The following ARFGEF1 variants were observed in gnomAD, a reference collection of about 807,000 sequenced individuals.
The protein encoded by ARFGEF1 is ARF guanine nucleotide exchange factor 1.
Under a neutral mutation model 231.0 loss-of-function variants are expected in ARFGEF1, and 42 were observed. That is an observed-to-expected ratio of 0.18 (90% CI 0.14 to 0.24). The LOEUF (loss-of-function observed/expected upper bound fraction) is 0.24, where lower values mean the gene tolerates loss of function less well. Among genes scored for constraint, ARFGEF1 ranks in the 10% least tolerant of loss-of-function variants. The probability of loss-of-function intolerance (pLI) is 1.00; values close to 1 mark genes in which losing one functional copy is unlikely to be tolerated. For synonymous variants in ARFGEF1, 710 were observed against 732.3 expected (o/e 0.97, Z 0.49); for missense variants, 1,345 against 2,192.0 (o/e 0.61, Z 7.72).
At chr8:67,315,384 C>T (rs1241229104) in intron 1 of ARFGEF1, among the ~76,000 whole-genome samples, 1 of 152,130 alleles carries the variant, frequency 6.6e-6, no homozygotes, top group Non-Finnish European at 1.5e-5. Context: ...CAGAACTGAA[C>T]ACCACCATCA....
intron 5 of ARFGEF1, chr8:67,179,851 T>G: frequency 6.4e-7 from 1 of 1,569,160 alleles, no homozygotes; most frequent in Non-Finnish European, 8.7e-7. Flanking sequence ...CATTGAAACA[T>G]GTTTCTTTTA....
intron 1 of ARFGEF1, among the ~76,000 whole-genome samples, chr8:67,326,357 A>G (rs748129983): frequency 1.3e-5 from 2 of 152,242 alleles, no homozygotes; most frequent in Non-Finnish European, 2.9e-5. Flanking sequence ...AAACCGAAGT[A>G]TCTGCAAGAG....
chr8:67,225,462 T>C (rs1337262502), intron 28 of ARFGEF1, among the ~76,000 whole-genome samples: 2 of 152,210 alleles, frequency 1.3e-5, no homozygotes, highest in African/African-American at 4.8e-5. Flanking sequence ...TAAAATCTTA[T>C]TACCAAATCT....
intron 2 of ARFGEF1, among the ~76,000 whole-genome samples, chr8:67,302,054 A>T (rs1806515815): frequency 3.3e-5 from 5 of 151,946 alleles, no homozygotes; most frequent in Non-Finnish European, 7.4e-5. Context: ...AAAAAATTAG[A>T]CAGGCATGGT....
chr8:67,238,993 T>TG, intron 20 of ARFGEF1, 100 bp from the exon 21 acceptor site: 1 of 839,844 alleles, frequency 1.2e-6, no homozygotes, highest in East Asian at 3.2e-5. Context: ...AAGATTTTGT[T>TG]TTTTTTTTTT....
chr8:67,321,300 A>G (rs1445226911), intron 1 of ARFGEF1, among the ~76,000 whole-genome samples: 1 of 152,220 alleles, frequency 6.6e-6, no homozygotes, highest in Non-Finnish European at 1.5e-5. Context: ...AACGTAAAAA[A>G]CAAAAATACA....
intron 31 of ARFGEF1, 36 bp from the exon 32 acceptor site, chr8:67,217,956 C>G: frequency 3.7e-6 from 6 of 1,612,258 alleles, no homozygotes; most frequent in Non-Finnish European, 5.1e-6. Flanking sequence ...TATATATTAC[C>G]AGGGTCACAT....
intron 1 of ARFGEF1, among the ~76,000 whole-genome samples, chr8:67,319,523 T>G (rs1219888762): frequency 1.3e-5 from 2 of 151,158 alleles, no homozygotes; most frequent in Non-Finnish European, 2.9e-5. Flanking sequence ...AAAAAACTCT[T>G]GACCTAAAAC....
chr8:67,218,463 T>G (rs1334254494), intron 30 of ARFGEF1, among the ~76,000 whole-genome samples: 1 of 151,668 alleles, frequency 6.6e-6, no homozygotes, highest in African/African-American at 2.4e-5. Context: ...TTTTTCGAAG[T>G]GCATGAATAG....
At chr8:67,230,471 A>G (rs569322886) in intron 23 of ARFGEF1, among the ~76,000 whole-genome samples, 4 of 152,242 alleles carry the variant, frequency 2.6e-5, no homozygotes, top group Middle Eastern at 3.4e-3. Flanking sequence ...CAAGCAGCCT[A>G]TATTATTATA....
intron 5 of ARFGEF1, among the ~76,000 whole-genome samples, chr8:67,176,891 G>A (rs1007548007): frequency 1.3e-5 from 2 of 151,954 alleles, no homozygotes; most frequent in African/African-American, 4.8e-5. Flanking sequence ...CCAACATAGT[G>A]AAACCCCCGT....
chr8:67,289,299 A>G (rs1225764972), intron 6 of ARFGEF1, among the ~76,000 whole-genome samples: 5 of 152,104 alleles, frequency 3.3e-5, no homozygotes, highest in African/African-American at 1.2e-4. Flanking sequence ...TCACACCTGT[A>G]ATCCCAGCAC....
intron 10 of ARFGEF1, among the ~76,000 whole-genome samples, chr8:67,268,715 T>C (rs963230597): frequency 2.0e-5 from 3 of 152,198 alleles, no homozygotes; most frequent in South Asian, 2.1e-4. Flanking sequence ...TGGTAAGTAA[T>C]TGCGGTAAAG....
intron 32 of ARFGEF1, 41 bp downstream of exon 32, chr8:67,217,741 A>G: frequency 1.3e-6 from 2 of 1,591,920 alleles, no homozygotes; most frequent in South Asian, 2.2e-5. Context: ...AACTCATTCA[A>G]TATACAAATA....
intron 1 of ARFGEF1, among the ~76,000 whole-genome samples, chr8:67,333,429 C>A (rs745331557): frequency 4.6e-5 from 7 of 151,528 alleles, no homozygotes; most frequent in Non-Finnish European, 8.8e-5. Context: ...TTCTGGGCCA[C>A]CTCATCCTCC....
intron 10 of ARFGEF1, among the ~76,000 whole-genome samples, chr8:67,270,749 G>A (rs1805049387): frequency 6.7e-6 from 1 of 148,686 alleles, no homozygotes; most frequent in African/African-American, 2.5e-5. Flanking sequence ...ATAAAGCTGG[G>A]CGCAGTGGCT....
At chr8:67,222,557 T>G (rs1839234077) in intron 29 of ARFGEF1, among the ~76,000 whole-genome samples, 1 of 152,056 alleles carries the variant, frequency 6.6e-6, no homozygotes, top group African/African-American at 2.4e-5. Flanking sequence ...TTCAAGCGAT[T>G]CTCCTGCCTC....
intron 13 of ARFGEF1, 59 bp downstream of exon 13, chr8:67,266,817 C>T: frequency 1.5e-6 from 2 of 1,362,450 alleles, no homozygotes; most frequent in Non-Finnish European, 2.0e-6. Context: ...CTGCAACTAT[C>T]CTCCAAAGTA....
At chr8:67,195,274 C>T (rs2129576578), downstream of ARFGEF1, 2 of 769,426 alleles carry the variant, frequency 2.6e-6, no homozygotes, top group Non-Finnish European at 4.7e-6. Context: ...GGATATGAGA[C>T]TGTGGGGAAA....
Sources: allele counts gnomAD v4.1 joint callset (sites outside exome capture counted in the v4.1 genomes callset), GRCh38; gene constraint gnomAD v4.1.1; transcripts MANE v1.5; gene names NCBI Gene and HGNC (gene_info 2026-07-23, HGNC 2026-07-21).